The following VWA3A variants were observed in gnomAD, a reference collection of about 807,000 sequenced individuals.
VWA3A encodes von Willebrand factor A domain containing 3A, also known as von Willebrand factor A domain-containing protein 3A.
In VWA3A, 134 loss-of-function variants were observed where a neutral mutation model predicts 160.4. The ratio of observed to expected loss-of-function variants is 0.84; its 90% confidence interval spans 0.73 to 0.96. The LOEUF is 0.96. Among genes scored for constraint, VWA3A ranks in the 40% least tolerant of loss-of-function variants. The pLI is 0.00. For missense variants in VWA3A, 1,310 were observed against 1,447.9 expected (o/e 0.90, Z 1.55); for synonymous variants, 476 against 543.4 (o/e 0.88, Z 1.72).
chr16:22,147,705 G>C, intron 27 of VWA3A: 1 of 700,980 alleles, frequency 1.4e-6, no homozygotes, highest in Non-Finnish European at 2.6e-6. Context: ...CTCCACCCTC[G>C]GTTCACATTA....
intron 8 of VWA3A, among the ~76,000 whole-genome samples, chr16:22,112,282 A>G (rs888618164): frequency 2.0e-5 from 3 of 152,210 alleles, no homozygotes; most frequent in Non-Finnish European, 4.4e-5. Context: ...GGTACTTTGC[A>G]TAGATGATTG....
At chr16:22,155,719 C>A (rs144415932) in intron 32 of VWA3A, 55 bp downstream of exon 32, 1 of 1,602,492 alleles carries the variant, frequency 6.2e-7, no homozygotes, top group South Asian at 1.1e-5. Flanking sequence ...CCCATGCAGA[C>A]CCCGGACCCC....
intron 20 of VWA3A, among the ~76,000 whole-genome samples, chr16:22,133,689 CTA>C (rs2045989528): frequency 6.7e-6 from 1 of 149,834 alleles, no homozygotes; most frequent in African/African-American, 2.5e-5. Flanking sequence ...AAGTAAAACT[CTA>C]AAAGTATATT....
chr16:22,134,136 TA>T (rs972878571), intron 20 of VWA3A, among the ~76,000 whole-genome samples: 4 of 151,972 alleles, frequency 2.6e-5, no homozygotes, highest in African/African-American at 9.7e-5. Context: ...GTTAATTTTT[TA>T]AATTTTTTTT....
At position 22,150,858 on chromosome 16, in the gene VWA3A, G is replaced by C. The variant is rs17711789; in HGVS notation, c.3281+12G>C. 12,759 of 1,608,966 alleles carry C rather than the reference G, an allele frequency of 7.9e-3. 73 individuals carry two copies. The highest frequency in any genetic ancestry group is 9.9e-3 in the Non-Finnish European group (11,657 of 1,177,428). ...AACTGCTCAGACAGGTGCGCAATAT[G>C]GAGTCTGACTGAGTTTTATTCTTTT... is the stretch of plus-strand genomic sequence containing the variant. On this transcript the variant is annotated intron_variant, in intron 30 of 33. Coordinates refer to ENST00000389398, the MANE Select transcript of VWA3A (RefSeq NM_173615.5).
intron 5 of VWA3A, among the ~76,000 whole-genome samples, chr16:22,101,117 C>T (rs894849631): frequency 2.0e-5 from 3 of 152,164 alleles, no homozygotes; most frequent in East Asian, 3.9e-4. Flanking sequence ...TAGGGCCAGG[C>T]ATGGTGGTCC....
intron 20 of VWA3A, among the ~76,000 whole-genome samples, chr16:22,133,849 TTAGAATGTCA>T (rs1356590912): frequency 2.0e-5 from 3 of 151,970 alleles, no homozygotes; most frequent in Admixed American, 6.6e-5. Context: ...AATATATAAT[TTAGAATGTCA>T]TAGAATGTCA....
At chr16:22,112,134 C>G (rs2045561161) in intron 8 of VWA3A, among the ~76,000 whole-genome samples, 1 of 152,098 alleles carries the variant, frequency 6.6e-6, no homozygotes, top group East Asian at 1.9e-4. Flanking sequence ...TGTCTTTTAG[C>G]TGGGGGTTTC....
chr16:22,154,322 T>A (rs1349407189), intron 31 of VWA3A, among the ~76,000 whole-genome samples: 3 of 139,504 alleles, frequency 2.2e-5, no homozygotes, highest in African/African-American at 8.7e-5. Flanking sequence ...TTTTTCTTTT[T>A]CTTTTTTTTT....
chr16:22,097,737 T>C (rs1329989002), intron 3 of VWA3A, 42 bp downstream of exon 3: 1 of 1,549,182 alleles, frequency 6.5e-7, no homozygotes, highest in Non-Finnish European at 8.7e-7. Context: ...ATACTACAAA[T>C]CATTCAGAGA....
intron 31 of VWA3A, among the ~76,000 whole-genome samples, chr16:22,154,323 CTTTTTT>C (rs988862954): frequency 2.7e-5 from 2 of 73,902 alleles, no homozygotes; most frequent in Middle Eastern, 0.02. Flanking sequence ...TTTTCTTTTT[CTTTTTT>C]TTTTTTTTTT....
intron 10 of VWA3A, 104 bp downstream of exon 10, chr16:22,116,971 G>A: frequency 7.1e-7 from 1 of 1,409,106 alleles, no homozygotes; most frequent in Non-Finnish European, 9.9e-7. Flanking sequence ...CTGTGGACCA[G>A]AATGCACCTG....
At chr16:22,121,467 T>G in intron 13 of VWA3A, 47 bp from the exon 14 acceptor site, 1 of 1,472,186 alleles carries the variant, frequency 6.8e-7, no homozygotes, top group Non-Finnish European at 9.5e-7. Context: ...GCTTGAACCC[T>G]TTGGAGCTTC....
chr16:22,150,004 G>A (rs1250545175), intron 29 of VWA3A, 73 bp downstream of exon 29: 2 of 1,488,024 alleles, frequency 1.3e-6, no homozygotes, highest in Non-Finnish European at 1.8e-6. Flanking sequence ...GCTGCACGAT[G>A]CTTTAGGATT....
At chr16:22,093,147 T>G (rs1229694785) in intron 1 of VWA3A, among the ~76,000 whole-genome samples, 2 of 152,242 alleles carry the variant, frequency 1.3e-5, no homozygotes, top group East Asian at 3.9e-4. Flanking sequence ...GCAGCTACTG[T>G]GTTCTAAACT....
At position 22,115,397 on chromosome 16, in the gene VWA3A, G is replaced by A. The variant is rs747607273; in HGVS notation, c.740G>A (p.Ser247Asn). ...WVKTLQPDGGSNLLQALKKIF... is the reference protein window; with the variant it reads ...WVKTLQPDGGNNLLQALKKIF... ...AAGACGCTGCAGCCTGATGGAGGCA[G>A]CAACCTGCTACAAGCTCTGAAGAAG... is the stretch of plus-strand genomic sequence containing the variant. Residue 247 changes from serine (S) to asparagine (N), a missense_variant, in exon 9 of 34, where the codon AGC becomes AAC. Transcript: ENST00000389398. The A allele has an allele frequency of 1.4e-5, 23 of 1,602,630 alleles. No individual in the cohort carries two copies. Among genetic ancestry groups the A allele is most frequent in the Non-Finnish European group, 2.0e-5 (23 of 1,174,738 alleles).
intron 31 of VWA3A, 69 bp downstream of exon 31, chr16:22,152,703 T>C: frequency 2.0e-6 from 3 of 1,536,198 alleles, no homozygotes; most frequent in Non-Finnish European, 1.8e-6. Context: ...AGGCATGGGG[T>C]TTTCCTTCTT....
chr16:22,115,951 GT>G (rs2045633268), intron 9 of VWA3A, among the ~76,000 whole-genome samples: 1 of 96,198 alleles, frequency 1.0e-5, no homozygotes, highest in Non-Finnish European at 2.0e-5. Flanking sequence ...GGAGGAGGGG[GT>G]GGGGAGGGAG....
chr16:22,114,012 C>A (rs1452174580), intron 8 of VWA3A, among the ~76,000 whole-genome samples: 2 of 150,912 alleles, frequency 1.3e-5, no homozygotes, highest in African/African-American at 2.4e-5. Context: ...ATATATCTTT[C>A]TTTAATGGCT....
Sources: allele counts gnomAD v4.1 joint callset (sites outside exome capture counted in the v4.1 genomes callset), GRCh38; gene constraint gnomAD v4.1.1; transcripts MANE v1.5; gene names NCBI Gene and HGNC (gene_info 2026-07-23, HGNC 2026-07-21).